Variants in ASTN2 observed in about 807,000 individuals in gnomAD.
ASTN2 encodes astrotactin 2.
Under a neutral mutation model 139.8 loss-of-function variants are expected in ASTN2, and 54 were observed. The observed-to-expected ratio is 0.39, with a 90% confidence interval of 0.31 to 0.48. ASTN2 has a LOEUF of 0.48. ASTN2 is among the 20% of genes least tolerant of loss of function. The pLI is 0.95. For missense variants in ASTN2, 1,565 were observed against 1,725.1 expected (o/e 0.91, Z 1.64); for synonymous variants, 756 against 719.5 (o/e 1.05, Z -0.81).
intron 6 of ASTN2, among the ~76,000 whole-genome samples, chr9:117,020,666 C>A (rs888119775): frequency 2.6e-5 from 4 of 152,082 alleles, no homozygotes; most frequent in African/African-American, 7.2e-5. Flanking sequence ...TCAGAGGAGT[C>A]AGCATGTGGC....
intron 3 of ASTN2, among the ~76,000 whole-genome samples, chr9:117,189,100 A>G: frequency 6.6e-6 from 1 of 152,184 alleles, no homozygotes; most frequent in Non-Finnish European, 1.5e-5. Context: ...TACATCCTGA[A>G]CAATGTCTTA....
At chr9:117,089,250 C>G (rs895071323) in intron 5 of ASTN2, among the ~76,000 whole-genome samples, 9 of 152,204 alleles carry the variant, frequency 5.9e-5, no homozygotes, top group Non-Finnish European at 1.2e-4. Context: ...GGTCACTAAG[C>G]TAGTTAATGG....
chr9:116,865,456 A>AG (rs1564312321), intron 10 of ASTN2, among the ~76,000 whole-genome samples: 4 of 131,652 alleles, frequency 3.0e-5, no homozygotes, highest in Non-Finnish European at 1.6e-5. Context: ...AAAAAAAAAA[A>AG]GGCAAGCGAA....
intron 10 of ASTN2, among the ~76,000 whole-genome samples, chr9:116,952,752 C>A (rs1173474621): frequency 6.6e-6 from 1 of 152,236 alleles, no homozygotes; most frequent in Non-Finnish European, 1.5e-5. Flanking sequence ...GGCCTCAAGC[C>A]TCTTCCTCAG....
chr9:117,181,161 C>T lies in ASTN2; in HGVS notation c.1015+33197G>A, dbSNP rs147652411. 1.3e-4 allele frequency: 94 copies of T among 719,548 alleles called. 1 individual carries two copies. The highest frequency in any genetic ancestry group is 2.1e-4 in the Non-Finnish European group (86 of 405,518). 44.6% of individuals were successfully genotyped at this position (719,548 alleles called of 1,614,324 possible). ...GTTTGCAGCCATTGCACAATGGGCCCCCATGAGGAAAGGAACCCAGTTGGC... is the reference window on the plus strand; with the variant it reads ...GTTTGCAGCCATTGCACAATGGGCCTCCATGAGGAAAGGAACCCAGTTGGC... On this transcript the variant is annotated intron_variant, in intron 3 of 22. Transcript: ENST00000313400.
At chr9:116,835,778 C>A (rs1831969861) in intron 11 of ASTN2, among the ~76,000 whole-genome samples, 1 of 152,130 alleles carries the variant, frequency 6.6e-6, no homozygotes, top group Admixed American at 6.5e-5. Flanking sequence ...TTTGGCTCTT[C>A]TCATTGACAT....
At chr9:117,180,941 T>C (rs1831048471) in intron 3 of ASTN2, 1 of 1,597,408 alleles carries the variant, frequency 6.3e-7, no homozygotes, top group South Asian at 1.1e-5. Context: ...TGGATGGACA[T>C]GATAACTTGG....
chr9:116,804,255 G>C (rs1034280829), intron 13 of ASTN2, among the ~76,000 whole-genome samples: 2 of 152,056 alleles, frequency 1.3e-5, no homozygotes, highest in African/African-American at 4.8e-5. Flanking sequence ...GTCAGCTGGA[G>C]TTACATCTGA....
intron 2 of ASTN2, among the ~76,000 whole-genome samples, chr9:117,243,543 C>A (rs1833277831): frequency 1.3e-5 from 2 of 152,112 alleles, no homozygotes; most frequent in African/African-American, 4.8e-5. Flanking sequence ...GTACCGGAAG[C>A]CCTGCTAAGT....
At chr9:116,882,824 C>G (rs1195657275) in intron 10 of ASTN2, among the ~76,000 whole-genome samples, 1 of 131,344 alleles carries the variant, frequency 7.6e-6, no homozygotes, top group Non-Finnish European at 1.7e-5. Flanking sequence ...GAGACCTTGA[C>G]TCTTAAAAAA....
intron 1 of ASTN2, among the ~76,000 whole-genome samples, chr9:117,315,415 G>T (rs10115059): frequency 6.6e-6 from 1 of 152,066 alleles, no homozygotes; most frequent in African/African-American, 2.4e-5. Context: ...TCTCCCAGCC[G>T]CCAACCATGT....
chr9:117,072,942 AAG>A (rs1393906579), intron 5 of ASTN2, among the ~76,000 whole-genome samples: 1 of 152,126 alleles, frequency 6.6e-6, no homozygotes, highest in African/African-American at 2.4e-5. Context: ...TAAGACTTCA[AAG>A]AGGAAAAACA....
intron 1 of ASTN2, among the ~76,000 whole-genome samples, chr9:117,398,527 A>T (rs1238363983): frequency 6.6e-6 from 1 of 152,200 alleles, no homozygotes; most frequent in Non-Finnish European, 1.5e-5. Context: ...CAGTGCCCTA[A>T]TGAAAAGACA....
At chr9:116,507,928 G>A (rs1850181825) in intron 19 of ASTN2, among the ~76,000 whole-genome samples, 4 of 151,632 alleles carry the variant, frequency 2.6e-5, no homozygotes, top group South Asian at 2.1e-4. Flanking sequence ...CGCTCTTGTC[G>A]CCCAGGCTGG....
chr9:116,490,272 TAAAAAAAAAAAAAAAAAAAAAAAAA>T (rs140391473), intron 19 of ASTN2, among the ~76,000 whole-genome samples: 3 of 37,914 alleles, frequency 7.9e-5, no homozygotes, highest in Admixed American at 6.3e-4. Context: ...TGATAAAAAG[TAAAAAAAAAAAAAAAAAAAAAAAAA>T]AAAAAAGGGG....
At chr9:116,916,116 G>A (rs1834439607) in intron 10 of ASTN2, among the ~76,000 whole-genome samples, 1 of 152,196 alleles carries the variant, frequency 6.6e-6, no homozygotes, top group Non-Finnish European at 1.5e-5. Context: ...CCTACATTTG[G>A]TGTTGGAAGT....
chr9:117,208,305 A>C lies in ASTN2; in HGVS notation c.1015+6053T>G, dbSNP rs111545097. 7.0e-3 allele frequency among the ~76,000 whole-genome samples: 1,061 copies of C among 152,250 alleles called. 15 individuals are homozygous for C. Among genetic ancestry groups the C allele is most frequent in the African/African-American group, 0.024 (1,004 of 41,570 alleles). ...CATGATACATTCAACAAAGAGATAG[A>C]TACCATAAAAAAGAACCAAACAGGA... is the stretch of plus-strand genomic sequence containing the variant. On this transcript the variant is annotated intron_variant, in intron 3 of 22. Transcript: ENST00000313400.
intron 20 of ASTN2, among the ~76,000 whole-genome samples, chr9:116,478,885 A>AG (rs1849077379): frequency 6.7e-6 from 1 of 149,770 alleles, no homozygotes; most frequent in Non-Finnish European, 1.5e-5. Flanking sequence ...CCAGCTACTC[A>AG]GGGGGCTGAA....
At position 116,426,079 on chromosome 9, in the gene ASTN2, G is replaced by A. The variant is rs533343867; in HGVS notation, c.3792C>T (p.His1264=). ...SEDELGPRKA[H]LILRRLERVS... is the part of the protein sequence containing the mutation. Reference sequence around the variant, plus strand: ...CCCTCTCCAGTCGCCGTAGAATCAGGTGGGCCTTCCTGAAAGGTAGGATGA... The same window carrying A: ...CCCTCTCCAGTCGCCGTAGAATCAGATGGGCCTTCCTGAAAGGTAGGATGA... The change falls in exon 23 of 23, where the codon CAC becomes CAT. Residue 1264 remains histidine, a synonymous_variant. Coordinates refer to ENST00000313400, the MANE Select transcript of ASTN2 (RefSeq NM_001365068.1). 148 of 1,613,218 alleles carry A rather than the reference G, an allele frequency of 9.2e-5. 4 individuals carry two copies. The South Asian group carries it at 1.4e-3, about 15-fold the overall frequency.
Sources: allele counts gnomAD v4.1 joint callset (sites outside exome capture counted in the v4.1 genomes callset), GRCh38; gene constraint gnomAD v4.1.1; transcripts MANE v1.5; gene names NCBI Gene and HGNC (gene_info 2026-07-23, HGNC 2026-07-21).